PTDSS2: variants seen among roughly 807,000 people sequenced by gnomAD.
The protein encoded by PTDSS2 is PSS-2.
PTDSS2 carries 41 observed loss-of-function variants against 64.7 expected under a neutral mutation model. The ratio of observed to expected loss-of-function variants is 0.63; its 90% CI spans 0.49 to 0.82. The LOEUF (loss-of-function observed/expected upper bound fraction) is 0.82. Among genes scored for constraint, PTDSS2 ranks in the 40% least tolerant of loss-of-function variants. PTDSS2 has a pLI of 0.00. For synonymous variants in PTDSS2, 297 were observed against 277.8 expected, an observed-to-expected ratio of 1.07 and a Z score of -0.69; for missense variants, 485 against 650.0, an observed-to-expected ratio of 0.75 and a Z score of 2.76.
rs183347167 is a variant in PTDSS2 at position 455,947 on chromosome 11, G to T, written c.183-4240G>T. ...AATGGCTGTGATGGCCCAGTGTCCA[G>T]GAGGCTCCGGGCCCCACCCCCCGCC... On this transcript the variant is annotated intron_variant, in intron 1 of 11. Coordinates refer to ENST00000308020, the MANE Select transcript of PTDSS2 (RefSeq NM_030783.3). Among the ~76,000 whole-genome samples, 576 of 152,240 alleles carry T rather than the reference G, an allele frequency of 3.8e-3. 2 individuals carry two copies. Among genetic ancestry groups the T allele is most frequent in the Non-Finnish European group, 6.1e-3 (417 of 67,998 alleles).
intron 4 of PTDSS2, among the ~76,000 whole-genome samples, chr11:486,580 C>T (rs1438207768): frequency 2.0e-5 from 3 of 152,136 alleles, no homozygotes; most frequent in African/African-American, 4.8e-5. Context: ...TGGTGGCTCA[C>T]GGCTGTAATC....
At chr11:466,219 A>C (rs1847133664) in intron 2 of PTDSS2, among the ~76,000 whole-genome samples, 1 of 152,124 alleles carries the variant, frequency 6.6e-6, no homozygotes, top group Non-Finnish European at 1.5e-5. Context: ...TCATACTGCT[A>C]TAAAGAAATA....
In PTDSS2 at chr11:489,920, G is replaced by T; in HGVS notation, c.1153G>T (p.Val385Leu). The change falls in exon 11 of 12, where the codon GTG becomes TTG. Residue 385 changes from valine to leucine, a missense_variant. Val to Leu is a conservative substitution (Grantham distance 32). This residue lies in a region of PTDSS2 where 219 missense variants were observed against 257.3 expected (regional missense o/e 0.85). Coordinates refer to ENST00000308020, the MANE Select transcript of PTDSS2 (RefSeq NM_030783.3). ...HKKLGPQAWL[V>L]AAITATELLI... ...GAAGCTGGGCCCGCAGGCCTGGCTG[G>T]TGGCGGCCATCACGGCCACGGAGCT... The T allele has an allele frequency of 6.2e-7, 1 of 1,603,924 alleles. No individual in the cohort carries two copies. Among genetic ancestry groups the T allele is most frequent in the Non-Finnish European group, 8.5e-7 (1 of 1,177,394 alleles).
chr11:488,415 G>A (rs1848504119), intron 7 of PTDSS2, 103 bp downstream of exon 7: 6 of 1,323,062 alleles, frequency 4.5e-6, no homozygotes, highest in Non-Finnish European at 5.4e-6. Context: ...TCTCCCCGGG[G>A]GGCAGTGGGT....
At chr11:458,894 C>T (rs1846725478) in intron 1 of PTDSS2, 1 of 152,240 alleles carries the variant, frequency 6.6e-6, no homozygotes, top group Non-Finnish European at 1.5e-5. Context: ...GGAGGCAAGT[C>T]CTGGGCAACA....
Position 479,742 on chromosome 11 carries a change from C to T in PTDSS2, c.435+590C>T, listed in dbSNP as rs1847985990. ...CACATTCTGCAAGACGAGCAGGGTG[C>T]AGGTGGGAGACGCAGCTCCTTTGTA... On this transcript the variant is annotated intron_variant, in intron 4 of 11. Transcript: ENST00000308020. This position sits in a 1 kb window ranked among gnomAD's most constrained non-coding sequence, Gnocchi z 4.2. 6.6e-6 allele frequency among the ~76,000 whole-genome samples: 1 copy of T among 152,176 alleles called. No homozygotes were observed. Among genetic ancestry groups the T allele is most frequent in the Non-Finnish European group, 1.5e-5 (1 of 68,026 alleles).
rs916648158 is a variant in PTDSS2 at position 479,030 on chromosome 11, G to A, written c.368-55G>A. 95 of 1,475,052 alleles carry A rather than the reference G, an allele frequency of 6.4e-5. 3 individuals are homozygous for A. The South Asian group carries it at 7.6e-4, about 12-fold the overall frequency. 91.4% of individuals were successfully genotyped at this position (1,475,052 alleles called of 1,614,324 possible). On this transcript the variant is annotated intron_variant, in intron 3 of 11. Transcript: ENST00000308020. The surrounding 1 kb of genome is among the most constrained non-coding windows in gnomAD (Gnocchi z 4.2). ...GCCAGGAGCCGGCCTGGGGCTGAGC[G>A]GGGCCGTGGAGGCCTGGACCGGGCG...
chr11:473,740 G>A (rs1051853585), intron 2 of PTDSS2, among the ~76,000 whole-genome samples, 155 bp from the exon 3 acceptor site: 9 of 152,360 alleles, frequency 5.9e-5, no homozygotes, highest in Middle Eastern at 3.4e-3. Flanking sequence ...GGCTTTCCCC[G>A]CGGCGGAGTC....
In PTDSS2 at chr11:488,522, C is replaced by G. The variant is rs753152435; in HGVS notation, c.736-7C>G. ...CCCCTGCAACGAGTGCTGGCCCCTC[C>G]CTGCAGTGGATCATGGACGTGCTCG... On this transcript the variant is annotated splice_region_variant and splice_polypyrimidine_tract_variant and intron_variant, in intron 7 of 11. Transcript: ENST00000308020. 14 of 1,609,442 alleles carry G rather than the reference C, an allele frequency of 8.7e-6. No individual in the cohort carries two copies. Among genetic ancestry groups the G allele is most frequent in the Non-Finnish European group, 1.2e-5 (14 of 1,176,488 alleles).
chr11:450,782 C>A, intron 1 of PTDSS2, 145 bp downstream of exon 1: 1 of 749,478 alleles, frequency 1.3e-6, no homozygotes, highest in Non-Finnish European at 1.8e-6. Flanking sequence ...GTGGCAGCAC[C>A]GCCCCCCGGG....
At chr11:464,972 G>A (rs117262763) in intron 2 of PTDSS2, among the ~76,000 whole-genome samples, 2,075 of 152,194 alleles carry the variant, frequency 0.014, 18 homozygotes, top group Non-Finnish European at 0.023. Context: ...AAAATGCACC[G>A]AAATACCGAG....
chr11:451,487 C>G (rs913456035), intron 1 of PTDSS2: 10 of 396,528 alleles, frequency 2.5e-5, no homozygotes, highest in Admixed American at 1.6e-4. Flanking sequence ...CTCTTCTTGA[C>G]TGCAAGGTGC....
chr11:474,762 C>A (rs1847647932), intron 3 of PTDSS2, among the ~76,000 whole-genome samples: 1 of 144,646 alleles, frequency 6.9e-6, no homozygotes, highest in Non-Finnish European at 1.5e-5. Flanking sequence ...TAGAAAATTT[C>A]GAAAATACAA....
At chr11:472,402 C>T (rs1442539843) in intron 2 of PTDSS2, among the ~76,000 whole-genome samples, 9 of 152,212 alleles carry the variant, frequency 5.9e-5, no homozygotes, top group Non-Finnish European at 4.4e-5. Context: ...CTTGCTGAAC[C>T]CAGCAGCGAG....
At chr11:473,676 C>T (rs1474068937) in intron 2 of PTDSS2, among the ~76,000 whole-genome samples, 20 of 152,130 alleles carry the variant, frequency 1.3e-4, no homozygotes, top group African/African-American at 4.3e-4. Flanking sequence ...TTCCCTGCCG[C>T]GGAGGCGGCA....
chr11:484,856 C>CGT (rs1218402276), intron 4 of PTDSS2, among the ~76,000 whole-genome samples: 3 of 115,052 alleles, frequency 2.6e-5, no homozygotes, highest in African/African-American at 7.1e-5. Context: ...TGCACGGGTG[C>CGT]GTGTGCTCAC....
intron 10 of PTDSS2, 42 bp downstream of exon 10, chr11:489,775 C>T: frequency 6.3e-7 from 1 of 1,588,934 alleles, no homozygotes; most frequent in South Asian, 1.1e-5. Flanking sequence ...CCCCGGGGGG[C>T]AGGGGCCGGA....
At position 482,223 on chromosome 11, in the gene PTDSS2, C is replaced by CTT. The variant is rs558526140; in HGVS notation, c.435+3087_435+3088dup. On this transcript the variant is annotated intron_variant, in intron 4 of 11. Transcript: ENST00000308020. ...GTTTCCTAGAATAGGCAAGGATGGGCTTTTTTTTTTTTTTTTTGAGACGGA... is the reference window on the plus strand; with the variant it reads ...GTTTCCTAGAATAGGCAAGGATGGGCTTTTTTTTTTTTTTTTTTTGAGACGGA... Among the ~76,000 whole-genome samples the CTT allele has an allele frequency of 1.9e-3, 227 of 117,364 alleles. 3 individuals are homozygous for CTT. The highest frequency in any genetic ancestry group is 6.7e-3 in the African/African-American group (205 of 30,428). 77.0% of individuals were successfully genotyped at this position (117,364 alleles called of 152,430 possible).
rs545895550 is a variant in PTDSS2 at position 462,234 on chromosome 11, G to T, written c.284+1946G>T. 1.8e-4 allele frequency among the ~76,000 whole-genome samples: 27 copies of T among 152,292 alleles called. No homozygotes were observed. The highest frequency in any genetic ancestry group is 6.3e-4 in the African/African-American group (26 of 41,576). On this transcript the variant is annotated intron_variant, in intron 2 of 11. Transcript: ENST00000308020. This position sits in a 1 kb window ranked among gnomAD's most constrained non-coding sequence, Gnocchi z 4.5. Reference sequence around the variant, plus strand: ...GGTGACCCAGACCCAGAGGGGCCAGGAGCTTAGACCCCTGAGGGGGCAGCA... The same window carrying T: ...GGTGACCCAGACCCAGAGGGGCCAGTAGCTTAGACCCCTGAGGGGGCAGCA...
Sources: allele counts gnomAD v4.1 joint callset (sites outside exome capture counted in the v4.1 genomes callset), GRCh38; gene constraint gnomAD v4.1.1; regional missense constraint gnomAD v4.1.1; non-coding constraint Gnocchi (gnomAD v3.1); transcripts MANE v1.5; gene names NCBI Gene and HGNC (gene_info 2026-07-23, HGNC 2026-07-21).